Variants in CREB3L2 observed in about 807,000 individuals in gnomAD.
CREB3L2 encodes cyclic AMP-responsive element-binding protein 3-like protein 2.
In CREB3L2, 23 loss-of-function variants were observed where a neutral mutation model predicts 57.2. That is an observed-to-expected ratio of 0.40 (90% CI 0.29 to 0.57). CREB3L2 has a LOEUF of 0.57. Ranked by LOEUF, CREB3L2 falls within the 20% of genes least tolerant of loss-of-function variation. The probability of loss-of-function intolerance (pLI) is 0.42; values close to 1 mark genes in which losing one functional copy is unlikely to be tolerated. For missense variants in CREB3L2, 628 were observed against 634.7 expected (o/e 0.99, Z 0.11); for synonymous variants, 268 against 265.1 (o/e 1.01, Z -0.11).
chr7:137,914,963 G>A (rs569448476), intron 3 of CREB3L2, among the ~76,000 whole-genome samples: 11 of 151,956 alleles, frequency 7.2e-5, no homozygotes, highest in Admixed American at 2.6e-4. Context: ...CCTCGATCTC[G>A]GCTCACTGCA....
Position 137,905,829 on chromosome 7 carries a change from G to A in CREB3L2, c.788C>T (p.Pro263Leu), listed in dbSNP as rs768925271. The change falls in exon 6 of 12, where the codon CCT (proline) becomes CTT (leucine). Residue 263 changes from proline to leucine, a missense_variant. Pro to Leu is a moderately conservative substitution (Grantham distance 98). Coordinates refer to ENST00000330387, the MANE Select transcript of CREB3L2 (RefSeq NM_194071.4). Reference protein sequence around the residue: ...TAPHKLQGSGPLVLTEEEKRT... With the variant: ...TAPHKLQGSGLLVLTEEEKRT... Reference sequence around the variant, plus strand: ...CTTCTCCTCCTCTGTCAGGACCAGAGGGCCTGATCCCTGCAGTTTCTGTGC... The same window carrying A: ...CTTCTCCTCCTCTGTCAGGACCAGAAGGCCTGATCCCTGCAGTTTCTGTGC... The A allele has an allele frequency of 1.9e-6, 3 of 1,612,800 alleles. No homozygotes were observed. The highest frequency in any genetic ancestry group is 2.2e-5 in the East Asian group (1 of 44,890).
At chr7:137,904,376 C>A (rs1048541417) in intron 6 of CREB3L2, among the ~76,000 whole-genome samples, 1 of 151,916 alleles carries the variant, frequency 6.6e-6, no homozygotes, top group African/African-American at 2.4e-5. Flanking sequence ...ATTAAAAATA[C>A]AAAAAAATGG....
At chr7:137,936,973 AG>A (rs1800797957) in intron 1 of CREB3L2, among the ~76,000 whole-genome samples, 1 of 152,186 alleles carries the variant, frequency 6.6e-6, no homozygotes, top group African/African-American at 2.4e-5. Flanking sequence ...GCAGTGAAGC[AG>A]GTGGCCACGG....
At chr7:137,914,807 G>A (rs773140448) in intron 3 of CREB3L2, among the ~76,000 whole-genome samples, 28 of 152,062 alleles carry the variant, frequency 1.8e-4, no homozygotes, top group Non-Finnish European at 4.1e-4. Context: ...GACTGACAAG[G>A]GAGTAAGCAG....
intron 1 of CREB3L2, among the ~76,000 whole-genome samples, chr7:137,991,727 C>T (rs1011347109): frequency 4.0e-5 from 6 of 151,856 alleles, no homozygotes; most frequent in Non-Finnish European, 7.4e-5. Flanking sequence ...GCCAACACAG[C>T]GAAACTCTGT....
rs752187394 is a variant in CREB3L2 at position 137,885,103 on chromosome 7, C to T, written c.1162G>A (p.Ala388Thr). The change falls in exon 10 of 12, where the codon GCC becomes ACC. Residue 388 changes from alanine (A) to threonine (T), a missense_variant. By Grantham distance (58) the Ala-to-Thr change is moderately conservative (BLOSUM62 0). This residue lies in a region of CREB3L2 where 272 missense variants were observed against 242.7 expected (regional missense o/e 1.12). Coordinates refer to ENST00000330387, the MANE Select transcript of CREB3L2 (RefSeq NM_194071.4). ...TCLMVVVLCF[A>T]VAFGSFFQGY... ...TGAAAGAAGCTGCCGAATGCAACGGCAAAGCACAGCACCACAACCTGTGGG... is the reference window on the plus strand; with the variant it reads ...TGAAAGAAGCTGCCGAATGCAACGGTAAAGCACAGCACCACAACCTGTGGG... 6.2e-7 allele frequency: 1 copy of T among 1,614,138 alleles called. No homozygotes were observed. Among genetic ancestry groups the T allele is most frequent in the East Asian group, 2.2e-5 (1 of 44,876 alleles).
chr7:137,960,445 T>G (rs1415365196), intron 1 of CREB3L2, among the ~76,000 whole-genome samples: 3 of 151,620 alleles, frequency 2.0e-5, no homozygotes, highest in Non-Finnish European at 4.4e-5. Context: ...AGAGAGAAAA[T>G]AAAAGAAAGA....
At chr7:137,975,544 A>G (rs1801591535) in intron 1 of CREB3L2, among the ~76,000 whole-genome samples, 2 of 152,140 alleles carry the variant, frequency 1.3e-5, no homozygotes, top group South Asian at 4.1e-4. Context: ...ACTTCTTAAA[A>G]GCTTTAGAAA....
At chr7:137,986,806 C>T (rs1193475161) in intron 1 of CREB3L2, among the ~76,000 whole-genome samples, 1 of 152,226 alleles carries the variant, frequency 6.6e-6, no homozygotes, top group Non-Finnish European at 1.5e-5. Flanking sequence ...TTCGACGTGC[C>T]TCATGTTCCT....
intron 1 of CREB3L2, among the ~76,000 whole-genome samples, chr7:137,953,699 G>A (rs1801147279): frequency 6.6e-6 from 1 of 152,192 alleles, no homozygotes; most frequent in Admixed American, 6.5e-5. Context: ...TCATCAGAAA[G>A]CAGCTGTAAT....
At chr7:137,931,493 G>C (rs978472122) in intron 1 of CREB3L2, among the ~76,000 whole-genome samples, 2 of 143,946 alleles carry the variant, frequency 1.4e-5, no homozygotes, top group South Asian at 2.2e-4. Flanking sequence ...CTGTACTTCA[G>C]TCTGGGTGAC....
chr7:137,976,173 C>T (rs1050660984), intron 1 of CREB3L2, among the ~76,000 whole-genome samples: 1 of 152,238 alleles, frequency 6.6e-6, no homozygotes, highest in African/African-American at 2.4e-5. Flanking sequence ...CAGGAGTCTG[C>T]TCTTACCTAC....
rs758120506 is a variant in CREB3L2, at chr7:137,928,303, A to T, written c.166T>A (p.Phe56Ile). Reference sequence around the variant, plus strand: ...ATTGACACACTCTTCTCTGAGAGGAAAGGATCATTCAGGAGCTGACCCAAG... The same window carrying T: ...ATTGACACACTCTTCTCTGAGAGGATAGGATCATTCAGGAGCTGACCCAAG... ...NVLGQLLNDP[F>I]LSEKSVSMEV... The change falls in exon 2 of 12, where the codon TTC becomes ATC. Residue 56 changes from phenylalanine to isoleucine, a missense_variant. Physicochemically the swap from Phe to Ile is conservative, Grantham distance 21 (BLOSUM62 0). Transcript: ENST00000330387. 1.9e-6 allele frequency: 3 copies of T among 1,614,212 alleles called. No homozygotes were observed. Among genetic ancestry groups the T allele is most frequent in the Non-Finnish European group, 2.5e-6 (3 of 1,180,028 alleles).
intron 4 of CREB3L2, among the ~76,000 whole-genome samples, chr7:137,909,249 G>T (rs1053808203): frequency 6.6e-6 from 1 of 152,216 alleles, no homozygotes; most frequent in Admixed American, 6.5e-5. Flanking sequence ...AAAAATAAGT[G>T]AGAGTGCAGT....
intron 1 of CREB3L2, among the ~76,000 whole-genome samples, chr7:137,982,910 G>T (rs949733573): frequency 6.6e-6 from 1 of 152,166 alleles, no homozygotes; most frequent in Non-Finnish European, 1.5e-5. Flanking sequence ...GAAAGAAGAT[G>T]CTGTCTCTAC....
chr7:137,927,391 GA>G (rs1800494686), intron 2 of CREB3L2, among the ~76,000 whole-genome samples: 1 of 139,992 alleles, frequency 7.1e-6, no homozygotes, highest in African/African-American at 2.8e-5. Context: ...GGAAGGGAGG[GA>G]AGGAGGGAAG....
At chr7:137,955,641 AT>A (rs1330659972) in intron 1 of CREB3L2, among the ~76,000 whole-genome samples, 2 of 152,182 alleles carry the variant, frequency 1.3e-5, no homozygotes, top group African/African-American at 4.8e-5. Flanking sequence ...TTGGCCTCAA[AT>A]TTTTGAAAAA....
At chr7:137,917,925 G>A (rs568906957) in intron 2 of CREB3L2, among the ~76,000 whole-genome samples, 104 of 152,242 alleles carry the variant, frequency 6.8e-4, no homozygotes, top group Admixed American at 1.2e-3. Context: ...TGGAAGGGGA[G>A]GGCGGGGGAA....
intron 1 of CREB3L2, among the ~76,000 whole-genome samples, chr7:137,971,433 G>A (rs1234430994): frequency 6.7e-6 from 1 of 148,442 alleles, no homozygotes; most frequent in Non-Finnish European, 1.5e-5. Flanking sequence ...CTGGGCATCA[G>A]AGCGAGACTC....
Sources: allele counts gnomAD v4.1 joint callset (sites outside exome capture counted in the v4.1 genomes callset), GRCh38; gene constraint gnomAD v4.1.1; regional missense constraint gnomAD v4.1.1; transcripts MANE v1.5; gene names NCBI Gene and HGNC (gene_info 2026-07-23, HGNC 2026-07-21).